Variants in ANKRD11 observed in about 807,000 individuals in gnomAD.
ANKRD11 encodes ankyrin repeat domain 11.
ANKRD11 carries 17 observed loss-of-function variants against 195.7 expected under a neutral mutation model. That is an observed-to-expected ratio of 0.09 (90% confidence interval 0.06 to 0.13). The LOEUF (loss-of-function observed/expected upper bound fraction) is 0.13, where lower values mean the gene tolerates loss of function less well. Among genes scored for constraint, ANKRD11 ranks in the 10% least tolerant of loss-of-function variants. The pLI is 1.00. For missense variants in ANKRD11, 3,735 were observed against 3,566.1 expected (o/e 1.05, Z -1.21); for synonymous variants, 1,953 against 1,528.1 (o/e 1.28, Z -6.49).
At chr16:89,296,410 A>T (rs1438082473) in intron 4 of ANKRD11, among the ~76,000 whole-genome samples, 1 of 151,850 alleles carries the variant, frequency 6.6e-6, no homozygotes, top group African/African-American at 2.4e-5. Flanking sequence ...TTCCTGTCTC[A>T]CTTTCTTTCT....
chr16:89,283,663 T>C lies in ANKRD11; in HGVS notation c.2879A>G (p.Glu960Gly). 1 of 1,612,106 alleles carries C rather than the reference T, an allele frequency of 6.2e-7. No individual in the cohort carries two copies. The highest frequency in any genetic ancestry group is 8.5e-7 in the Non-Finnish European group (1 of 1,179,978). ...GGGCTTGGCCCTGCCGTCCCTGCGC[T>C]CCTTGCAGCTCTCCAGGGCGTCCTT... ...DRKDALESCK[E>G]RRDGRAKPEE... Residue 960 changes from glutamate to glycine, a missense_variant, in exon 9 of 13, where the codon GAG becomes GGG. Coordinates refer to ENST00000301030, the MANE Select transcript of ANKRD11 (RefSeq NM_013275.6). The surrounding 1 kb of genome is among the most constrained non-coding windows in gnomAD (Gnocchi z 4.3).
chr16:89,280,522 G>A lies in ANKRD11; in HGVS notation c.6020C>T (p.Pro2007Leu), dbSNP rs200531141. ...ADPLHSAAPG[P>L]FSASEAPYPA... is the part of the protein sequence containing the mutation. Reference sequence around the variant, plus strand: ...GTACGGCGCCTCCGAGGCGCTGAAGGGCCCTGGGGCGGCAGAGTGGAGGGG... The same window carrying A: ...GTACGGCGCCTCCGAGGCGCTGAAGAGCCCTGGGGCGGCAGAGTGGAGGGG... Residue 2007 changes from proline (P) to leucine (L), a missense_variant, in exon 9 of 13, where the codon CCC (proline) becomes CTC (leucine). By Grantham distance (98) the Pro-to-Leu change is moderately conservative. Coordinates refer to ENST00000301030, the MANE Select transcript of ANKRD11 (RefSeq NM_013275.6). The A allele has an allele frequency of 2.5e-4, 406 of 1,611,518 alleles. No homozygotes were observed. In the African/African-American group the frequency reaches 4.4e-3, roughly 17 times the overall value.
chr16:89,414,830 G>A (rs1291591679), intron 2 of ANKRD11, among the ~76,000 whole-genome samples: 1 of 152,176 alleles, frequency 6.6e-6, no homozygotes, highest in Non-Finnish European at 1.5e-5. Context: ...ACCGTGTACT[G>A]AAGAAGCGAC....
chr16:89,286,893 G>A (rs1306794894), intron 7 of ANKRD11: 1 of 1,289,052 alleles, frequency 7.8e-7, no homozygotes, highest in African/African-American at 1.5e-5. Flanking sequence ...TCTGAGATTA[G>A]CGCATTCAAA....
chr16:89,408,400 G>T (rs1482018709), intron 2 of ANKRD11, among the ~76,000 whole-genome samples: 2 of 152,228 alleles, frequency 1.3e-5, no homozygotes, highest in African/African-American at 4.8e-5. Flanking sequence ...CCAGTTGCCT[G>T]GGCAGAGGAG....
chr16:89,290,005 G>A (rs950438807), intron 6 of ANKRD11, among the ~76,000 whole-genome samples: 1 of 152,254 alleles, frequency 6.6e-6, no homozygotes, highest in African/African-American at 2.4e-5. Flanking sequence ...ACTCCAGCCT[G>A]AGCAACAGAG....
chr16:89,283,124 C>G lies in ANKRD11; in HGVS notation c.3418G>C (p.Ala1140Pro). Residue 1140 changes from alanine to proline, a missense_variant, in exon 9 of 13, where the codon GCC (alanine) becomes CCC (proline). Transcript: ENST00000301030. This position sits in a 1 kb window ranked among gnomAD's most constrained non-coding sequence, Gnocchi z 4.3. ...CMGSGFKMGE[A>P]SDLPRTDGLQ... The stretch of plus-strand genomic sequence containing the variant: ...CCGTCCGTCCTCGGCAAGTCGCTGG[C>G]CTCTCCCATCTTGAACCCGCTCCCC... 6.2e-7 allele frequency: 1 copy of G among 1,613,980 alleles called. No homozygotes were observed. Among genetic ancestry groups the G allele is most frequent in the African/African-American group, 1.3e-5 (1 of 75,010 alleles).
chr16:89,278,948 G>A lies in ANKRD11; in HGVS notation c.7470+124C>T, dbSNP rs754773086. On this transcript the variant is annotated intron_variant, in intron 9 of 12. Transcript: ENST00000301030. ...AAGTGGGGCTGTGTCTCCTCAGGTGGCAGAAGGTCGAGAGAGGTCAAGGGC... is the reference window on the plus strand; with the variant it reads ...AAGTGGGGCTGTGTCTCCTCAGGTGACAGAAGGTCGAGAGAGGTCAAGGGC... 1.5e-5 allele frequency: 22 copies of A among 1,445,536 alleles called. No individual in the cohort carries two copies. In the South Asian group the frequency reaches 2.2e-4, roughly 15 times the overall value. The allele number at this position is 1,445,536 out of a possible 1,614,324, so 89.5% of individuals were successfully genotyped here.
In ANKRD11 at chr16:89,279,513, C is replaced by T; in HGVS notation, c.7029G>A (p.Met2343Ile). 7.3e-7 allele frequency: 1 copy of T among 1,369,386 alleles called. No homozygotes were observed. Among genetic ancestry groups the T allele is most frequent in the Non-Finnish European group, 9.9e-7 (1 of 1,006,732 alleles). 84.8% of individuals were successfully genotyped at this position (1,369,386 alleles called of 1,614,324 possible). Residue 2343 changes from methionine (M) to isoleucine (I), a missense_variant, in exon 9 of 13, where the codon ATG becomes ATA. Physicochemically the swap from Met to Ile is conservative, Grantham distance 10. Transcript: ENST00000301030. This position sits in a 1 kb window ranked among gnomAD's most constrained non-coding sequence, Gnocchi z 5.6. ...GGCCCTGCTTGCTCTGGTTCGCGAG[C>T]ATCTGCGCCCGGTTCCTGGTCATGC... ...PQRMTRNRAQ[M>I]LANQSKQGPP...
chr16:89,459,747 C>G (rs1347611294), intron 1 of ANKRD11, among the ~76,000 whole-genome samples: 1 of 151,992 alleles, frequency 6.6e-6, no homozygotes, highest in Non-Finnish European at 1.5e-5. Context: ...TTTCTTGAGG[C>G]GTCTGAGACC....
intron 1 of ANKRD11, among the ~76,000 whole-genome samples, chr16:89,418,974 G>C (rs867668981): frequency 1.3e-5 from 2 of 151,828 alleles, no homozygotes; most frequent in Non-Finnish European, 2.9e-5. Context: ...CAATCACCTC[G>C]GCCTTCCAAA....
At chr16:89,479,229 G>T (rs1008411550) in intron 1 of ANKRD11, among the ~76,000 whole-genome samples, 1 of 151,882 alleles carries the variant, frequency 6.6e-6, no homozygotes, top group African/African-American at 2.4e-5. Flanking sequence ...CATTAATGAC[G>T]GCCAGACGCA....
chr16:89,314,172 G>T (rs1406894229), intron 3 of ANKRD11, among the ~76,000 whole-genome samples: 1 of 152,000 alleles, frequency 6.6e-6, no homozygotes, highest in Non-Finnish European at 1.5e-5. Flanking sequence ...AGGGTGGGGG[G>T]TTATGGAGGG....
chr16:89,314,089 C>T (rs147727913), intron 3 of ANKRD11, among the ~76,000 whole-genome samples: 27 of 152,186 alleles, frequency 1.8e-4, no homozygotes, highest in African/African-American at 4.6e-4. Flanking sequence ...CCGGGTGTAG[C>T]GGTCTGCTCC....
At chr16:89,396,736 G>C (rs1440746943) in intron 2 of ANKRD11, among the ~76,000 whole-genome samples, 8 of 152,290 alleles carry the variant, frequency 5.3e-5, no homozygotes, top group Admixed American at 2.6e-4. Flanking sequence ...GCCCAGGCTG[G>C]AGTGCAATGG....
chr16:89,438,646 A>G (rs1299724150), intron 1 of ANKRD11, among the ~76,000 whole-genome samples: 1 of 152,078 alleles, frequency 6.6e-6, no homozygotes, highest in Non-Finnish European at 1.5e-5. Flanking sequence ...AAAATTTTCT[A>G]AAAAAAGACA....
intron 2 of ANKRD11, among the ~76,000 whole-genome samples, chr16:89,368,402 T>A (rs370411229): frequency 0.076 from 7,215 of 94,632 alleles, 305 homozygotes; most frequent in Middle Eastern, 0.11. Context: ...TTTTTTTTTT[T>A]AGTAGAGATG....
At chr16:89,377,868 C>T (rs2040489240) in intron 2 of ANKRD11, among the ~76,000 whole-genome samples, 1 of 152,028 alleles carries the variant, frequency 6.6e-6, no homozygotes. Flanking sequence ...TCCACCCCCG[C>T]CCCATGAGAA....
intron 1 of ANKRD11, among the ~76,000 whole-genome samples, chr16:89,488,147 AG>A (rs1483352254): frequency 2.0e-5 from 3 of 152,226 alleles, no homozygotes; most frequent in Non-Finnish European, 2.9e-5. Context: ...ATAGAACAGA[AG>A]AAAAAAACTG....
Sources: gnomAD v4.1 joint callset for allele counts (sites outside exome capture counted in the v4.1 genomes callset) on GRCh38, gnomAD v4.1.1 for gene constraint, Gnocchi (gnomAD v3.1) non-coding constraint, MANE v1.5 for transcripts, NCBI Gene and HGNC (gene_info 2026-07-23, HGNC 2026-07-21) for gene names.